CHIC1: variants seen among roughly 807,000 people sequenced by gnomAD.
CHIC1 encodes cysteine rich hydrophobic domain 1, also known as cysteine-rich hydrophobic domain-containing protein 1.
Under a neutral mutation model 18.5 loss-of-function variants are expected in CHIC1, and 7 were observed. The ratio of observed to expected loss-of-function variants is 0.38; its 90% CI spans 0.22 to 0.71. CHIC1 has a LOEUF of 0.71. CHIC1 is among the 30% of genes least tolerant of loss of function. CHIC1 has a pLI of 0.49. For missense variants in CHIC1, 159 were observed against 176.9 expected, an observed-to-expected ratio of 0.90 and a Z score of 0.57; for synonymous variants, 77 against 73.5, an observed-to-expected ratio of 1.05 and a Z score of -0.25.
intron 1 of CHIC1, among the ~76,000 whole-genome samples, chrX:73,564,308 G>A (rs1212364639): frequency 8.9e-6 from 1 of 111,741 alleles, no homozygotes; most frequent in Non-Finnish European, 1.9e-5. Flanking sequence ...TCAGTTCTGA[G>A]ATAATTTACC....
chrX:73,671,127 T>A (rs187971098), intron 3 of CHIC1, among the ~76,000 whole-genome samples: 3 of 112,043 alleles, frequency 2.7e-5, no homozygotes, highest in African/African-American at 9.7e-5. Context: ...ATCTGCCTAG[T>A]CTCTCCTGGC....
chrX:73,580,572 T>A (rs1194944624), intron 2 of CHIC1, among the ~76,000 whole-genome samples: 2 of 110,749 alleles, frequency 1.8e-5, no homozygotes, highest in Non-Finnish European at 3.8e-5. Flanking sequence ...TTTCATTTGT[T>A]TAGGTTCCTT....
At chrX:73,669,202 C>A (rs2058018447) in intron 3 of CHIC1, among the ~76,000 whole-genome samples, 1 of 111,012 alleles carries the variant, frequency 9.0e-6, no homozygotes, top group Non-Finnish European at 1.9e-5. Flanking sequence ...ACCAACCAAC[C>A]CAAGTGGTGG....
chrX:73,665,848 A>G (rs1235115926), intron 3 of CHIC1, among the ~76,000 whole-genome samples: 1 of 111,648 alleles, frequency 9.0e-6, no homozygotes, highest in African/African-American at 3.3e-5. Flanking sequence ...AAAGAGTCCC[A>G]ACAGCCACGG....
At chrX:73,617,557 T>C (rs1322350674) in intron 3 of CHIC1, among the ~76,000 whole-genome samples, 3 of 111,987 alleles carry the variant, frequency 2.7e-5, no homozygotes, top group Non-Finnish European at 3.8e-5. Context: ...AGAGGTTTAA[T>C]GGACTCACAG....
At chrX:73,575,262 A>AT (rs2057491524) in intron 1 of CHIC1, among the ~76,000 whole-genome samples, 1 of 110,096 alleles carries the variant, frequency 9.1e-6, no homozygotes, top group Admixed American at 9.6e-5. Context: ...CATTTAATTT[A>AT]TTTTTTAAAT....
intron 3 of CHIC1, among the ~76,000 whole-genome samples, chrX:73,632,763 C>CTTTT (rs778008597): frequency 7.9e-4 from 50 of 63,635 alleles, no homozygotes; most frequent in Non-Finnish European, 9.2e-4. Context: ...TATTGTTATT[C>CTTTT]TTTTTTTTTT....
intron 3 of CHIC1, among the ~76,000 whole-genome samples, chrX:73,645,271 A>G (rs1411586510): frequency 8.9e-6 from 1 of 112,300 alleles, no homozygotes; most frequent in Non-Finnish European, 1.9e-5. Flanking sequence ...ATAGAATTCT[A>G]TCATGTATAT....
Position 73,655,670 on chromosome X carries a change from T to C in CHIC1, c.508-23656T>C, listed in dbSNP as rs774843741. Among the ~76,000 whole-genome samples the C allele has an allele frequency of 1.2e-3, 112 of 90,482 alleles. 2 individuals carry two copies. The highest frequency in any genetic ancestry group is 8.1e-3 in the South Asian group (16 of 1,986). The allele number at this position is 90,482 out of a possible 115,157, so 78.6% of individuals were successfully genotyped here. A position where few individuals can be genotyped will look rare whatever the true frequency, so the allele number is the denominator to read the frequency against. The stretch of plus-strand genomic sequence containing the variant: ...GTGTGTATATATATATATATATATA[T>C]ACACACACCACATTATCAAGTCTAT... On this transcript the variant is annotated intron_variant, in intron 3 of 5. Transcript: ENST00000373502.
At chrX:73,652,613 C>G (rs970321749) in intron 3 of CHIC1, among the ~76,000 whole-genome samples, 1 of 112,027 alleles carries the variant, frequency 8.9e-6, no homozygotes, top group Admixed American at 9.5e-5. Context: ...ATGTGGCCAA[C>G]AAACATATGG....
intron 3 of CHIC1, among the ~76,000 whole-genome samples, chrX:73,673,736 T>C (rs1421251660): frequency 8.9e-6 from 1 of 111,804 alleles, no homozygotes; most frequent in Non-Finnish European, 1.9e-5. Flanking sequence ...TGAATACCCT[T>C]TATTTCCTTC....
chrX:73,584,093 A>G (rs956792282), intron 2 of CHIC1, among the ~76,000 whole-genome samples: 1 of 111,138 alleles, frequency 9.0e-6, no homozygotes, highest in African/African-American at 3.3e-5. Flanking sequence ...ACTAGAGACT[A>G]TCAATTATAC....
chrX:73,567,340 C>A (rs2486781), intron 1 of CHIC1, among the ~76,000 whole-genome samples: 3,929 of 110,354 alleles, frequency 0.036, 205 homozygotes, highest in African/African-American at 0.12. Context: ...CATATCCCCA[C>A]CCCCAAATGC....
At chrX:73,678,488 A>G (rs972335229) in intron 3 of CHIC1, among the ~76,000 whole-genome samples, 4 of 111,719 alleles carry the variant, frequency 3.6e-5, no homozygotes, top group African/African-American at 1.3e-4. Flanking sequence ...CCCAGGCCAG[A>G]TAGTCCCTGG....
chrX:73,611,482 G>A (rs1470266246), intron 3 of CHIC1, among the ~76,000 whole-genome samples: 1 of 108,588 alleles, frequency 9.2e-6, no homozygotes, highest in South Asian at 3.8e-4. Context: ...ATAAACATAC[G>A]TGTGCATGTG....
chrX:73,594,695 A>G (rs2057598628), intron 3 of CHIC1, among the ~76,000 whole-genome samples: 1 of 111,158 alleles, frequency 9.0e-6, no homozygotes, highest in Non-Finnish European at 1.9e-5. Flanking sequence ...ACCAATACCT[A>G]TTTCCAATTT....
intron 3 of CHIC1, among the ~76,000 whole-genome samples, chrX:73,617,130 T>TA (rs1210844486): frequency 8.9e-6 from 1 of 111,865 alleles, no homozygotes; most frequent in Non-Finnish European, 1.9e-5. Flanking sequence ...TTCTGCCTGA[T>TA]ACCCTAAATC....
At chrX:73,644,405 CA>C (rs1358084425) in intron 3 of CHIC1, among the ~76,000 whole-genome samples, 1 of 112,234 alleles carries the variant, frequency 8.9e-6, no homozygotes, top group Non-Finnish European at 1.9e-5. Context: ...CTACTCTCTT[CA>C]AAGCTGTCAG....
intron 3 of CHIC1, among the ~76,000 whole-genome samples, chrX:73,625,804 C>T (rs952411213): frequency 2.7e-5 from 3 of 110,876 alleles, no homozygotes; most frequent in Non-Finnish European, 3.8e-5. Flanking sequence ...GTGTCATTGC[C>T]TTTTAAGAGG....
Sources: allele counts gnomAD v4.1 joint callset (sites outside exome capture counted in the v4.1 genomes callset), GRCh38; gene constraint gnomAD v4.1.1; transcripts MANE v1.5; gene names NCBI Gene and HGNC (gene_info 2026-07-23, HGNC 2026-07-21).